EIF1AX: variants seen among roughly 807,000 people sequenced by gnomAD.
EIF1AX encodes the protein eukaryotic translation initiation factor 1A X-linked.
EIF1AX carries 1 observed loss-of-function variant against 16.1 expected under a neutral mutation model. That is an observed-to-expected ratio of 0.06 (90% CI 0.02 to 0.30). EIF1AX has a LOEUF of 0.30. Ranked by LOEUF, EIF1AX falls within the 10% of genes least tolerant of loss-of-function variation. The pLI is 1.00. For missense variants in EIF1AX, 11 were observed against 109.1 expected, an observed-to-expected ratio of 0.10 and a Z score of 4.00; for synonymous variants, 32 against 37.3, an observed-to-expected ratio of 0.86 and a Z score of 0.51.
intron 1 of EIF1AX, among the ~76,000 whole-genome samples, chrX:20,141,336 C>G (rs1403291027): frequency 2.7e-5 from 3 of 111,971 alleles, no homozygotes; most frequent in African/African-American, 6.5e-5. Flanking sequence ...ACCGTCCCCA[C>G]CGAGCAGCGG....
At chrX:20,130,398 C>T (rs55635237) in intron 6 of EIF1AX, 118 bp downstream of exon 6, 53,868 of 613,117 alleles carry the variant, frequency 0.088, 1,799 homozygotes, top group Middle Eastern at 0.15. Flanking sequence ...TCAGACAATT[C>T]TCAAAATACA....
At chrX:20,138,433 C>G in intron 2 of EIF1AX, 106 bp downstream of exon 2, 1 of 657,432 alleles carries the variant, frequency 1.5e-6, no homozygotes, top group South Asian at 2.3e-5. Flanking sequence ...CGTGCCACCA[C>G]ACTTCACCCT....
chrX:20,138,679 TATGAA>T (rs2067025138), intron 1 of EIF1AX, 57 bp from the exon 2 acceptor site: 1 of 855,487 alleles, frequency 1.2e-6, no homozygotes, highest in Non-Finnish European at 1.6e-6. Context: ...TGTAAAACAG[TATGAA>T]ATAAAATGAA....
chrX:20,125,464 G>A lies in EIF1AX; in HGVS notation c.*2842C>T, dbSNP rs1392427030. The A allele has an allele frequency of 5.8e-6, 1 of 171,177 alleles. No individual in the cohort carries two copies. Among genetic ancestry groups the A allele is most frequent in the Non-Finnish European group, 1.1e-5 (1 of 88,945 alleles). 14.1% of individuals were successfully genotyped at this position (171,177 alleles called of 1,213,427 possible). ...GAGTATAAATAAAACTTACCCTTAC[G>A]AAGTAGAATAAAGATAAGCATTTCA... On this transcript the variant is annotated 3_prime_UTR_variant, in exon 7 of 7. Coordinates refer to ENST00000379607, the MANE Select transcript of EIF1AX (RefSeq NM_001412.4).
At chrX:20,129,085 G>A (rs892511422) in intron 6 of EIF1AX, among the ~76,000 whole-genome samples, 7 of 111,134 alleles carry the variant, frequency 6.3e-5, no homozygotes, top group Non-Finnish European at 1.3e-4. Flanking sequence ...CAGTTTAGTC[G>A]TAAGACTCCT....
At chrX:20,132,361 G>GT in intron 4 of EIF1AX, 98 bp from the exon 5 acceptor site, 1 of 538,561 alleles carries the variant, frequency 1.9e-6, no homozygotes, top group Non-Finnish European at 2.9e-6. Context: ...AAATCTCACC[G>GT]TTTTACTATA....
intron 1 of EIF1AX, among the ~76,000 whole-genome samples, chrX:20,139,675 C>CA (rs201705324): frequency 1.7e-3 from 180 of 106,981 alleles, no homozygotes; most frequent in South Asian, 6.3e-3. Flanking sequence ...TTGGAAGCAG[C>CA]AAAAAAAAAT....
At chrX:20,138,682 GAAAT>G in intron 1 of EIF1AX, 60 bp from the exon 2 acceptor site, 1 of 798,829 alleles carries the variant, frequency 1.3e-6, no homozygotes, top group Non-Finnish European at 1.8e-6. Flanking sequence ...AAAACAGTAT[GAAAT>G]AAAATGAAAT....
rs2066990780 is a variant in EIF1AX, at chrX:20,128,066, C to T, written c.*240G>A. The T allele has an allele frequency of 4.1e-6, 1 of 242,838 alleles. No homozygotes were observed. The highest frequency in any genetic ancestry group is 2.4e-4 in the South Asian group (1 of 4,103). The allele number at this position is 242,838 out of a possible 1,213,427, so 20.0% of individuals were successfully genotyped here. On this transcript the variant is annotated 3_prime_UTR_variant, in exon 7 of 7. Coordinates refer to ENST00000379607, the MANE Select transcript of EIF1AX (RefSeq NM_001412.4). ...TTTTTTTTTTTTTGTAATTAGTAGA[C>T]ATGGTCTTCTACCCATAAGCTCCAT... is the stretch of plus-strand genomic sequence containing the variant.
chrX:20,138,447 C>T (rs749227472), intron 2 of EIF1AX, 92 bp downstream of exon 2: 32 of 734,521 alleles, frequency 4.4e-5, no homozygotes, highest in African/African-American at 3.4e-4. Flanking sequence ...TCACCCTGGG[C>T]GATGGGCAAG....
chrX:20,139,813 G>A (rs2067028497), intron 1 of EIF1AX, among the ~76,000 whole-genome samples: 1 of 112,243 alleles, frequency 8.9e-6, no homozygotes, highest in Non-Finnish European at 1.9e-5. Flanking sequence ...TCCAAAAAGA[G>A]AGTAAAAGGT....
intron 1 of EIF1AX, 26 bp downstream of exon 1, chrX:20,141,599 T>C (rs1446345646): frequency 2.6e-6 from 3 of 1,150,570 alleles, no homozygotes. Context: ...AGCAGAGCCG[T>C]GGTCCGGGGG....
At chrX:20,135,354 G>A (rs2067013340) in intron 3 of EIF1AX, among the ~76,000 whole-genome samples, 1 of 110,701 alleles carries the variant, frequency 9.0e-6, no homozygotes, top group African/African-American at 3.3e-5. Context: ...GCTGAAGTGG[G>A]AGGATCACTT....
At chrX:20,130,829 T>C (rs1488513144) in intron 5 of EIF1AX, among the ~76,000 whole-genome samples, 1 of 112,158 alleles carries the variant, frequency 8.9e-6, no homozygotes, top group Non-Finnish European at 1.9e-5. Flanking sequence ...ACACTAATTC[T>C]GAAGCTATTA....
At chrX:20,132,398 C>A in intron 4 of EIF1AX, 135 bp from the exon 5 acceptor site, 1 of 456,299 alleles carries the variant, frequency 2.2e-6, no homozygotes, top group Non-Finnish European at 3.6e-6. Flanking sequence ...AATTTTAAAG[C>A]TTTCTCATAC....
At position 20,141,838 on chromosome X, in the gene EIF1AX, C is replaced by T. The variant is rs1276883714; in HGVS notation, c.-198G>A. On this transcript the variant is annotated 5_prime_UTR_variant, in exon 1 of 7. Coordinates refer to ENST00000379607, the MANE Select transcript of EIF1AX (RefSeq NM_001412.4). The stretch of plus-strand genomic sequence containing the variant: ...GTCCACGCTCGGCGGCAGCAAATGG[C>T]GCCGCGACTCTTTGCGTCGCTTTTC... 1 of 403,130 alleles carries T rather than the reference C, an allele frequency of 2.5e-6. No individual in the cohort carries two copies. Among genetic ancestry groups the T allele is most frequent in the Non-Finnish European group, 4.2e-6 (1 of 235,496 alleles). The allele number at this position is 403,130 out of a possible 1,213,427, so 33.2% of individuals were successfully genotyped here. A position where few individuals can be genotyped will look rare whatever the true frequency, so the allele number is the denominator to read the frequency against.
intron 6 of EIF1AX, 90 bp from the exon 7 acceptor site, chrX:20,128,401 TA>T: frequency 1.3e-6 from 1 of 773,443 alleles, no homozygotes. Context: ...TTCACCTCCT[TA>T]GGCTATGTGA....
At position 20,127,346 on chromosome X, in the gene EIF1AX, T is replaced by C. The variant is rs1398383979; in HGVS notation, c.*960A>G. On this transcript the variant is annotated 3_prime_UTR_variant, in exon 7 of 7. Transcript: ENST00000379607. The stretch of plus-strand genomic sequence containing the variant: ...TTCCTCTTCCCTTAGCTTAGGGATA[T>C]GTTGAAAAAGGCTTTTCAACAAGTA... 1 of 137,484 alleles carries C rather than the reference T, an allele frequency of 7.3e-6. No individual in the cohort carries two copies. The highest frequency in any genetic ancestry group is 8.8e-5 in the Admixed American group (1 of 11,428). The allele number at this position is 137,484 out of a possible 1,213,427, so 11.3% of individuals were successfully genotyped here.
At chrX:20,141,400 AC>A (rs1411357035) in intron 1 of EIF1AX, among the ~76,000 whole-genome samples, 2 of 111,977 alleles carry the variant, frequency 1.8e-5, no homozygotes, top group African/African-American at 6.5e-5. Context: ...AGGAGGCCCT[AC>A]AAAAATGGCG....
Sources: allele counts gnomAD v4.1 joint callset (sites outside exome capture counted in the v4.1 genomes callset), GRCh38; gene constraint gnomAD v4.1.1; transcripts MANE v1.5; gene names NCBI Gene and HGNC (gene_info 2026-07-23, HGNC 2026-07-21).